Variants in FBXW2 observed in about 807,000 individuals in gnomAD.
FBXW2 encodes F-box/WD repeat-containing protein 2.
Under a neutral mutation model 46.0 loss-of-function variants are expected in FBXW2, and 12 were observed. The observed-to-expected ratio is 0.26, with a 90% CI of 0.17 to 0.42. The LOEUF (loss-of-function observed/expected upper bound fraction) is 0.42, where lower values mean the gene tolerates loss of function less well. Among genes scored for constraint, FBXW2 ranks in the 10% least tolerant of loss-of-function variants. The probability of loss-of-function intolerance (pLI) is 1.00; values close to 1 mark genes in which losing one functional copy is unlikely to be tolerated. For synonymous variants in FBXW2, 203 were observed against 209.6 expected (o/e 0.97, Z 0.27); for missense variants, 360 against 537.0 (o/e 0.67, Z 3.26).
intron 3 of FBXW2, among the ~76,000 whole-genome samples, chr9:120,782,358 C>A (rs530970665): frequency 1.3e-4 from 19 of 151,610 alleles, no homozygotes; most frequent in African/African-American, 4.6e-4. Flanking sequence ...CCCAGCTACT[C>A]GGGAGGCTGA....
At chr9:120,778,047 T>C (rs1368669886) in intron 4 of FBXW2, among the ~76,000 whole-genome samples, 1 of 150,708 alleles carries the variant, frequency 6.6e-6, no homozygotes, top group Non-Finnish European at 1.5e-5. Flanking sequence ...GTCTGTTCAA[T>C]AGGATATAAA....
intron 6 of FBXW2, among the ~76,000 whole-genome samples, chr9:120,771,816 T>C (rs1428529925): frequency 6.6e-6 from 1 of 152,152 alleles, no homozygotes; most frequent in Admixed American, 6.5e-5. Flanking sequence ...CCCAGCACTT[T>C]GGGAGGCCTA....
chr9:120,785,106 T>C (rs1031638846), intron 3 of FBXW2, among the ~76,000 whole-genome samples: 2 of 151,242 alleles, frequency 1.3e-5, no homozygotes, highest in Non-Finnish European at 2.9e-5. Flanking sequence ...CCTCCTGGGC[T>C]CAAGCGATCC....
chr9:120,780,355 A>C (rs78689127), intron 3 of FBXW2, among the ~76,000 whole-genome samples: 2 of 135,196 alleles, frequency 1.5e-5, no homozygotes, highest in South Asian at 2.2e-4. Context: ...ACTCTGTTTC[A>C]AAAAAAAAAA....
intron 3 of FBXW2, among the ~76,000 whole-genome samples, chr9:120,778,774 T>A (rs375521675): frequency 6.6e-6 from 1 of 152,142 alleles, no homozygotes; most frequent in Non-Finnish European, 1.5e-5. Flanking sequence ...TGAGACACTT[T>A]CCCTTAACTT....
In FBXW2 at chr9:120,764,390, C is replaced by T; in HGVS notation, c.*169G>A. 1 of 677,592 alleles carries T rather than the reference C, an allele frequency of 1.5e-6. No homozygotes were observed. Among genetic ancestry groups the T allele is most frequent in the East Asian group, 2.7e-5 (1 of 37,080 alleles). 42.0% of individuals were successfully genotyped at this position (677,592 alleles called of 1,614,324 possible). On this transcript the variant is annotated 3_prime_UTR_variant, in exon 8 of 8. Transcript: ENST00000608872. ...GTTGTATGTCAATAAAACAAGCCCT[C>T]CCCCACCCCGAGCCCTGGCCCCTGG...
At chr9:120,774,134 G>C (rs1045587879) in intron 5 of FBXW2, among the ~76,000 whole-genome samples, 4 of 151,864 alleles carry the variant, frequency 2.6e-5, no homozygotes, top group Non-Finnish European at 5.9e-5. Context: ...TCAGGAGTTC[G>C]AGACCAGCCT....
intron 7 of FBXW2, 66 bp downstream of exon 7, chr9:120,771,282 C>G: frequency 6.8e-7 from 1 of 1,464,578 alleles, no homozygotes. Flanking sequence ...AACATTTAGT[C>G]TTGTCTTTAC....
At chr9:120,785,913 C>G (rs765878936) in intron 3 of FBXW2, among the ~76,000 whole-genome samples, 5 of 149,672 alleles carry the variant, frequency 3.3e-5, no homozygotes, top group Non-Finnish European at 7.4e-5. Flanking sequence ...ATCCCAGCTA[C>G]TCGGGAGGCT....
chr9:120,789,840 C>T (rs1447472707), intron 2 of FBXW2, among the ~76,000 whole-genome samples: 3 of 152,158 alleles, frequency 2.0e-5, no homozygotes, highest in Non-Finnish European at 4.4e-5. Flanking sequence ...GCAACCAAAC[C>T]TTGCAATCAC....
chr9:120,782,338 T>C (rs765399076), intron 3 of FBXW2, among the ~76,000 whole-genome samples: 7 of 151,534 alleles, frequency 4.6e-5, no homozygotes, highest in Admixed American at 1.3e-4. Flanking sequence ...CGGTGGCGCA[T>C]GCCTGTAATC....
intron 2 of FBXW2, 118 bp from the exon 3 acceptor site, chr9:120,788,396 A>G: frequency 2.3e-6 from 2 of 876,420 alleles, no homozygotes; most frequent in Non-Finnish European, 3.5e-6. Context: ...CTTTATGCGT[A>G]GTTACATTAC....
At chr9:120,792,833 T>G in intron 2 of FBXW2, 1 of 1,355,002 alleles carries the variant, frequency 7.4e-7, no homozygotes, top group Non-Finnish European at 9.9e-7. Flanking sequence ...CATTATTACT[T>G]AGCATTAATA....
At chr9:120,791,975 A>G (rs2044852974) in intron 2 of FBXW2, among the ~76,000 whole-genome samples, 1 of 152,182 alleles carries the variant, frequency 6.6e-6, no homozygotes, top group African/African-American at 2.4e-5. Context: ...TTAACTCCCT[A>G]TGTTACCTAG....
At chr9:120,789,179 C>T (rs1397474685) in intron 2 of FBXW2, among the ~76,000 whole-genome samples, 1 of 152,132 alleles carries the variant, frequency 6.6e-6, no homozygotes, top group African/African-American at 2.4e-5. Flanking sequence ...ATTCACAGGG[C>T]TACTAAATAG....
chr9:120,784,454 A>T (rs2044676884), intron 3 of FBXW2, among the ~76,000 whole-genome samples: 1 of 151,918 alleles, frequency 6.6e-6, no homozygotes, highest in South Asian at 2.1e-4. Context: ...TCTACAAAAA[A>T]TACAAAAAGG....
chr9:120,764,579 A>G lies in FBXW2; in HGVS notation c.1345T>C (p.Leu449=). 1 of 1,613,556 alleles carries G rather than the reference A, an allele frequency of 6.2e-7. No homozygotes were observed. The highest frequency in any genetic ancestry group is 8.5e-7 in the Non-Finnish European group (1 of 1,179,532). The change falls in exon 8 of 8, where the codon TTG becomes CTG. Residue 449 remains leucine (L), a synonymous_variant. Transcript: ENST00000608872. Reference sequence around the variant, plus strand: ...TGGTGTCAGCCGTGCTCCTTCCACAACACCAGGTGAATACTGTGGTCAGGC... The same window carrying G: ...TGGTGTCAGCCGTGCTCCTTCCACAGCACCAGGTGAATACTGTGGTCAGGC... ...SMPDHSIHLV[L]WKEHG
chr9:120,772,682 C>A, intron 6 of FBXW2, 72 bp downstream of exon 6: 1 of 998,886 alleles, frequency 1.0e-6, no homozygotes, highest in Non-Finnish European at 1.5e-6. Context: ...CACCCTTTGC[C>A]ATACCACTTT....
intron 7 of FBXW2, among the ~76,000 whole-genome samples, chr9:120,765,240 G>A (rs1312456022): frequency 6.6e-6 from 1 of 151,828 alleles, no homozygotes; most frequent in African/African-American, 2.4e-5. Context: ...GACTACAGAC[G>A]GCTGCCACTG....
Sources: allele counts gnomAD v4.1 joint callset (sites outside exome capture counted in the v4.1 genomes callset), GRCh38; gene constraint gnomAD v4.1.1; transcripts MANE v1.5; gene names NCBI Gene and HGNC (gene_info 2026-07-23, HGNC 2026-07-21).